Variants in KCTD1 observed in about 807,000 individuals in gnomAD.
KCTD1 encodes BTB/POZ domain-containing protein KCTD1.
KCTD1 carries 24 observed loss-of-function variants against 66.0 expected under a neutral mutation model. The observed-to-expected ratio is 0.36, with a 90% CI of 0.26 to 0.51. The LOEUF is 0.51. KCTD1 is among the 20% of genes least tolerant of loss of function. KCTD1 has a pLI of 0.95. For synonymous variants in KCTD1, 511 were observed against 517.2 expected (o/e 0.99, Z 0.16); for missense variants, 943 against 1,205.2 (o/e 0.78, Z 3.22).
At chr18:26,482,291 T>C (rs552430407) in intron 2 of KCTD1, among the ~76,000 whole-genome samples, 174 of 152,254 alleles carry the variant, frequency 1.1e-3, no homozygotes, top group African/African-American at 4.0e-3. Context: ...AAGGAAATCA[T>C]TGGTAGACTG....
rs1251844764 is a variant in KCTD1 at position 26,476,057 on chromosome 18, T to C, written c.2133+458A>G. 6.6e-6 allele frequency among the ~76,000 whole-genome samples: 1 copy of C among 152,214 alleles called. No individual in the cohort carries two copies. Among genetic ancestry groups the C allele is most frequent in the African/African-American group, 2.4e-5 (1 of 41,446 alleles). ...ATTTGTTCTCCTTGTCTGACTCCATTGCCTAGAGTTACCAGCACAATGTGG... is the reference window on the plus strand; with the variant it reads ...ATTTGTTCTCCTTGTCTGACTCCATCGCCTAGAGTTACCAGCACAATGTGG... On this transcript the variant is annotated intron_variant, in intron 3 of 4. Coordinates refer to ENST00000580059, the MANE Select transcript of KCTD1 (RefSeq NM_001142730.3). This position sits in a 1 kb window ranked among gnomAD's most constrained non-coding sequence, Gnocchi z 4.9.
At chr18:26,633,987 A>G (rs1987672320), upstream of KCTD1, among the ~76,000 whole-genome samples, 1 of 152,210 alleles carries the variant, frequency 6.6e-6, no homozygotes, top group African/African-American at 2.4e-5. Flanking sequence ...CTCAGCAATC[A>G]AAAGGAAAGA....
chr18:26,608,395 C>A (rs1436347279), intron 1 of KCTD1, among the ~76,000 whole-genome samples: 1 of 152,204 alleles, frequency 6.6e-6, no homozygotes, highest in Non-Finnish European at 1.5e-5. Flanking sequence ...TTTAGTTCAA[C>A]CGATTCACCT....
intron 1 of KCTD1, among the ~76,000 whole-genome samples, chr18:26,648,025 T>C (rs984721522): frequency 2.0e-5 from 3 of 152,060 alleles, no homozygotes; most frequent in Admixed American, 6.5e-5. Context: ...TTTGTATTTT[T>C]AGTAGAGACG....
intron 1 of KCTD1, among the ~76,000 whole-genome samples, chr18:26,515,998 A>G (rs776107804): frequency 6.6e-6 from 1 of 152,204 alleles, no homozygotes; most frequent in South Asian, 2.1e-4. Flanking sequence ...CTGGGAGAAC[A>G]CAGCGGATAA....
intron 1 of KCTD1, chr18:26,655,932 C>T (rs903591331): frequency 6.6e-6 from 1 of 152,288 alleles, no homozygotes; most frequent in Non-Finnish European, 1.5e-5. Context: ...CGCCCCCCAC[C>T]CCGTTCTTTT....
chr18:26,458,786 T>C (rs1355552810), intron 4 of KCTD1: 3 of 152,248 alleles, frequency 2.0e-5, no homozygotes, highest in African/African-American at 2.4e-5. Context: ...GAAAACCTTA[T>C]TAGCTCTACC....
intron 1 of KCTD1, among the ~76,000 whole-genome samples, chr18:26,518,010 C>T (rs1983742861): frequency 6.6e-6 from 1 of 152,150 alleles, no homozygotes; most frequent in South Asian, 2.1e-4. Context: ...TCAGAATCAC[C>T]CTAGGAAATA....
At chr18:26,501,541 T>C (rs1598900652) in intron 1 of KCTD1, among the ~76,000 whole-genome samples, 1 of 152,220 alleles carries the variant, frequency 6.6e-6, no homozygotes, top group Admixed American at 6.5e-5. Context: ...CATTTAACAA[T>C]TGACACATGG....
chr18:26,570,195 T>A (rs62088562), intron 1 of KCTD1, among the ~76,000 whole-genome samples: 18,046 of 84,718 alleles, frequency 0.21, 1,329 homozygotes, highest in Middle Eastern at 0.26. Context: ...AAAAAAAATA[T>A]ATATATATAT....
chr18:26,476,682 G>A lies in KCTD1; in HGVS notation c.1989-23C>T. The A allele has an allele frequency of 6.2e-7, 1 of 1,607,816 alleles. No individual in the cohort carries two copies. The highest frequency in any genetic ancestry group is 8.5e-7 in the Non-Finnish European group (1 of 1,177,126). Reference sequence around the variant, plus strand: ...ATTCTGTGATAGAAAAGAGGGAACAGTGAAGACAATTAGATCAATTGTTCG... The same window carrying A: ...ATTCTGTGATAGAAAAGAGGGAACAATGAAGACAATTAGATCAATTGTTCG... On this transcript the variant is annotated intron_variant, in intron 2 of 4. Transcript: ENST00000580059. This position sits in a 1 kb window ranked among gnomAD's most constrained non-coding sequence, Gnocchi z 4.9.
upstream of KCTD1, chr18:26,548,698 G>C (rs1985403622): frequency 2.2e-6 from 2 of 922,580 alleles, no homozygotes; most frequent in Admixed American, 5.1e-5. Context: ...CTCCGGAGGG[G>C]CAGCGGCGCG....
intron 1 of KCTD1, among the ~76,000 whole-genome samples, chr18:26,506,674 C>T (rs1400400487): frequency 6.6e-6 from 1 of 152,106 alleles, no homozygotes; most frequent in Non-Finnish European, 1.5e-5. Context: ...CCCACCATAA[C>T]ATCCTTGTGT....
chr18:26,612,776 G>C (rs563973897), intron 1 of KCTD1, among the ~76,000 whole-genome samples: 85 of 152,230 alleles, frequency 5.6e-4, no homozygotes, highest in Non-Finnish European at 1.0e-3. Context: ...CTGTATCCTG[G>C]AAACTCTTCG....
chr18:26,639,565 C>T (rs908640895), intron 1 of KCTD1, among the ~76,000 whole-genome samples: 9 of 151,982 alleles, frequency 5.9e-5, no homozygotes, highest in Admixed American at 2.6e-4. Context: ...CAGAGTTAAA[C>T]GTTATTGTGT....
At chr18:26,532,257 C>CTTTT (rs757573584) in intron 1 of KCTD1, among the ~76,000 whole-genome samples, 8 of 128,190 alleles carry the variant, frequency 6.2e-5, no homozygotes, top group African/African-American at 2.4e-4. Flanking sequence ...TCTTTTCTTT[C>CTTTT]CTTCTTTTTT....
At chr18:26,656,658 T>A (rs1988151651) in intron 1 of KCTD1, among the ~76,000 whole-genome samples, 2 of 148,814 alleles carry the variant, frequency 1.3e-5, no homozygotes, top group African/African-American at 2.5e-5. Flanking sequence ...GCCGCCACAA[T>A]GGCGTCTTTC....
chr18:26,530,584 G>A (rs1343157130), intron 1 of KCTD1, among the ~76,000 whole-genome samples: 1 of 152,176 alleles, frequency 6.6e-6, no homozygotes, highest in East Asian at 1.9e-4. Flanking sequence ...CACAACCACA[G>A]TTAATTTGGC....
At chr18:26,499,741 G>A (rs531176075) in intron 2 of KCTD1, among the ~76,000 whole-genome samples, 1 of 152,304 alleles carries the variant, frequency 6.6e-6, no homozygotes, top group East Asian at 1.9e-4. Context: ...CACTTCATAA[G>A]ACATTCTGAA....
Sources: gnomAD v4.1 joint callset for allele counts (sites outside exome capture counted in the v4.1 genomes callset) on GRCh38, gnomAD v4.1.1 for gene constraint, Gnocchi (gnomAD v3.1) non-coding constraint, MANE v1.5 for transcripts, NCBI Gene and HGNC (gene_info 2026-07-23, HGNC 2026-07-21) for gene names.